The following WDR25 variants were observed in gnomAD, a reference collection of about 807,000 sequenced individuals.
WDR25 encodes WD repeat-containing protein 25.
WDR25 carries 35 observed loss-of-function variants against 47.7 expected under a neutral mutation model. The observed-to-expected ratio is 0.73, with a 90% confidence interval of 0.56 to 0.97. The LOEUF (loss-of-function observed/expected upper bound fraction) is 0.97, where lower values mean the gene tolerates loss of function less well. WDR25 is among the 50% of genes least tolerant of loss of function. WDR25 has a pLI of 0.00. For missense variants in WDR25, 634 were observed against 704.7 expected (o/e 0.90, Z 1.14); for synonymous variants, 248 against 278.9 (o/e 0.89, Z 1.10).
intron 2 of WDR25, among the ~76,000 whole-genome samples, chr14:100,389,175 G>T (rs1202197005): frequency 6.6e-6 from 1 of 152,130 alleles, no homozygotes; most frequent in Non-Finnish European, 1.5e-5. Flanking sequence ...AAAAATGCAA[G>T]AAAATGGCAG....
chr14:100,435,615 C>T (rs1278756975), intron 2 of WDR25, among the ~76,000 whole-genome samples: 4 of 152,176 alleles, frequency 2.6e-5, no homozygotes, highest in African/African-American at 9.7e-5. Context: ...CTTGTGATCC[C>T]ACCTGCTCCT....
chr14:100,389,262 G>C (rs1897085688), intron 2 of WDR25, among the ~76,000 whole-genome samples: 1 of 152,142 alleles, frequency 6.6e-6, no homozygotes, highest in Admixed American at 6.5e-5. Flanking sequence ...TTTCCTTCTA[G>C]TCTTTTTTCC....
intron 2 of WDR25, among the ~76,000 whole-genome samples, chr14:100,444,392 G>T (rs1395790158): frequency 6.6e-6 from 1 of 152,198 alleles, no homozygotes; most frequent in Admixed American, 6.5e-5. Flanking sequence ...GCAGGGAACC[G>T]CAGGATGGAC....
chr14:100,467,510 T>C (rs1899675831), intron 2 of WDR25, among the ~76,000 whole-genome samples: 1 of 152,196 alleles, frequency 6.6e-6, no homozygotes, highest in African/African-American at 2.4e-5. Flanking sequence ...TTTTCTTTTA[T>C]TTTGAGACAG....
At chr14:100,472,565 C>T (rs7494065) in intron 3 of WDR25, among the ~76,000 whole-genome samples, 104,876 of 152,224 alleles carry the variant, frequency 0.69, 37,124 homozygotes, top group African/African-American at 0.85. Flanking sequence ...TCCTGCTAAG[C>T]TGTCCAGATG....
chr14:100,492,542 G>T (rs1460849106), intron 4 of WDR25, among the ~76,000 whole-genome samples: 3 of 152,158 alleles, frequency 2.0e-5, no homozygotes, highest in Non-Finnish European at 4.4e-5. Flanking sequence ...ATATAAAGCA[G>T]GTTCTTTGGA....
intron 4 of WDR25, among the ~76,000 whole-genome samples, chr14:100,503,957 A>G (rs1378491803): frequency 1.3e-5 from 2 of 152,212 alleles, no homozygotes; most frequent in Non-Finnish European, 2.9e-5. Context: ...AAATGTAAAT[A>G]TATACCAAAG....
intron 2 of WDR25, among the ~76,000 whole-genome samples, chr14:100,466,442 G>C: frequency 6.6e-6 from 1 of 152,210 alleles, no homozygotes; most frequent in Non-Finnish European, 1.5e-5. Context: ...AGAAGTGCAT[G>C]GGTGTACTTT....
chr14:100,456,614 C>G (rs1176135884), intron 2 of WDR25, among the ~76,000 whole-genome samples: 1 of 152,162 alleles, frequency 6.6e-6, no homozygotes, highest in Non-Finnish European at 1.5e-5. Context: ...GTGAAAAACA[C>G]AGTACATGGA....
In WDR25 at chr14:100,488,988, A is replaced by T. The variant is rs997528147; in HGVS notation, c.1101+4864A>T. Reference sequence around the variant, plus strand: ...GCTGATGGGGTCAGCCGCCACTGTCATTGTGATAGAGGCCTGCAGGAGCAC... The same window carrying T: ...GCTGATGGGGTCAGCCGCCACTGTCTTTGTGATAGAGGCCTGCAGGAGCAC... On this transcript the variant is annotated intron_variant, in intron 4 of 6. Transcript: ENST00000402312. This position sits in a 1 kb window ranked among gnomAD's most constrained non-coding sequence, Gnocchi z 4.2. 6.6e-6 allele frequency among the ~76,000 whole-genome samples: 1 copy of T among 152,202 alleles called. No individual in the cohort carries two copies. The highest frequency in any genetic ancestry group is 2.4e-5 in the African/African-American group (1 of 41,442).
At chr14:100,386,928 C>A (rs927064624) in intron 2 of WDR25, among the ~76,000 whole-genome samples, 14 of 152,008 alleles carry the variant, frequency 9.2e-5, no homozygotes, top group Admixed American at 2.0e-4. Flanking sequence ...TTGATTTACA[C>A]CCAGGCATTA....
chr14:100,387,318 T>C (rs1897042474), intron 2 of WDR25, among the ~76,000 whole-genome samples: 1 of 152,154 alleles, frequency 6.6e-6, no homozygotes, highest in African/African-American at 2.4e-5. Flanking sequence ...AATCTTTTCA[T>C]TGTCTCTATG....
At chr14:100,478,313 C>A (rs547366697) in intron 3 of WDR25, among the ~76,000 whole-genome samples, 227 of 152,306 alleles carry the variant, frequency 1.5e-3, no homozygotes, top group Non-Finnish European at 2.5e-3. Context: ...GAGTGTGAGA[C>A]AGAGCAGTGC....
intron 2 of WDR25, chr14:100,455,187 C>T (rs140123143): frequency 7.2e-5 from 11 of 152,158 alleles, no homozygotes; most frequent in East Asian, 1.9e-4. Context: ...AGTAAAACAA[C>T]GGGGAATCTC....
intron 2 of WDR25, among the ~76,000 whole-genome samples, chr14:100,400,503 T>C (rs753637174): frequency 1.3e-5 from 2 of 152,252 alleles, no homozygotes; most frequent in Non-Finnish European, 2.9e-5. Context: ...GGATTATATT[T>C]AAGTTAGTAC....
At chr14:100,396,642 G>A (rs908174749) in intron 2 of WDR25, among the ~76,000 whole-genome samples, 2 of 152,228 alleles carry the variant, frequency 1.3e-5, no homozygotes, top group Non-Finnish European at 2.9e-5. Flanking sequence ...GTAGTGCTCA[G>A]AGGAAAGGCA....
rs1898241720 is a variant in WDR25, at chr14:100,428,708, T to G, written c.823-39313T>G. ...GTGAGGAGCCATTTCACTTCTTTCTTCAAGTGGATGTATTTTTGAACATTT... is the reference window on the plus strand; with the variant it reads ...GTGAGGAGCCATTTCACTTCTTTCTGCAAGTGGATGTATTTTTGAACATTT... On this transcript the variant is annotated intron_variant, in intron 2 of 6. Coordinates refer to ENST00000402312, the MANE Select transcript of WDR25 (RefSeq NM_001161476.3). The surrounding 1 kb of genome is among the most constrained non-coding windows in gnomAD (Gnocchi z 4.3). 6.6e-6 allele frequency among the ~76,000 whole-genome samples: 1 copy of G among 152,200 alleles called. No homozygotes were observed. Among genetic ancestry groups the G allele is most frequent in the African/African-American group, 2.4e-5 (1 of 41,456 alleles).
At chr14:100,512,722 A>G (rs1273887648) in intron 4 of WDR25, among the ~76,000 whole-genome samples, 2 of 152,162 alleles carry the variant, frequency 1.3e-5, no homozygotes, top group African/African-American at 2.4e-5. Context: ...TAGATGTTCA[A>G]TACTATTGAT....
chr14:100,497,380 CT>C (rs1900767581), intron 4 of WDR25, among the ~76,000 whole-genome samples: 1 of 152,126 alleles, frequency 6.6e-6, no homozygotes, highest in East Asian at 1.9e-4. Context: ...AGTTCTGTGA[CT>C]TTTTTTGCTT....
Sources: allele counts gnomAD v4.1 joint callset (sites outside exome capture counted in the v4.1 genomes callset), GRCh38; gene constraint gnomAD v4.1.1; non-coding constraint Gnocchi (gnomAD v3.1); transcripts MANE v1.5; gene names NCBI Gene and HGNC (gene_info 2026-07-23, HGNC 2026-07-21).